TIMP2: variants seen among roughly 807,000 people sequenced by gnomAD.
The protein encoded by TIMP2 is TIMP metallopeptidase inhibitor 2, also known as metalloproteinase inhibitor 2.
A neutral mutation model predicts 24.3 loss-of-function variants in TIMP2; 5 were observed. The observed-to-expected ratio is 0.21, with a 90% CI of 0.11 to 0.43. TIMP2 has a LOEUF of 0.43. TIMP2 is among the 20% of genes least tolerant of loss of function. TIMP2 has a pLI of 1.00. For missense variants in TIMP2, 221 were observed against 297.5 expected (o/e 0.74, Z 1.89); for synonymous variants, 130 against 123.2 (o/e 1.06, Z -0.37).
intron 1 of TIMP2, chr17:78,897,957 G>A (rs778246014): frequency 3.3e-5 from 5 of 152,182 alleles, no homozygotes; most frequent in Non-Finnish European, 5.9e-5. Flanking sequence ...AATCACAGCT[G>A]GCTCCATCAT....
At chr17:78,911,384 AAACT>A (rs1325329228) in intron 1 of TIMP2, among the ~76,000 whole-genome samples, 2 of 152,226 alleles carry the variant, frequency 1.3e-5, no homozygotes, top group East Asian at 1.9e-4. Flanking sequence ...GGTCTAGGAC[AAACT>A]AACTAACTAT....
chr17:78,892,760 G>C (rs375183654), intron 1 of TIMP2, among the ~76,000 whole-genome samples: 2 of 152,060 alleles, frequency 1.3e-5, no homozygotes, highest in South Asian at 2.1e-4. Context: ...GAGGTGCTCC[G>C]GGCCTGCAGC....
intron 1 of TIMP2, among the ~76,000 whole-genome samples, chr17:78,880,970 G>T (rs374518356): frequency 6.6e-6 from 1 of 152,206 alleles, no homozygotes; most frequent in Non-Finnish European, 1.5e-5. Flanking sequence ...ACAGCATAGC[G>T]CCTGTCTCGG....
chr17:78,922,818 A>C (rs566089488), intron 1 of TIMP2, among the ~76,000 whole-genome samples: 39 of 152,258 alleles, frequency 2.6e-4, no homozygotes, highest in South Asian at 1.7e-3. Flanking sequence ...AAGAACAGGG[A>C]AATTTGGACA....
At chr17:78,898,343 G>GC (rs2070035987) in intron 1 of TIMP2, 1 of 152,248 alleles carries the variant, frequency 6.6e-6, no homozygotes, top group South Asian at 2.1e-4. Context: ...GAGCAGGCAG[G>GC]CCCCTGATCC....
In TIMP2 at chr17:78,924,826, A is replaced by AGAAGGCGCC; in HGVS notation, c.130+124_130+132dup. On this transcript the variant is annotated intron_variant, in intron 1 of 4. Coordinates refer to ENST00000262768, the MANE Select transcript of TIMP2 (RefSeq NM_003255.5). The surrounding 1 kb of genome is among the most constrained non-coding windows in gnomAD (Gnocchi z 5.3). ...TCTGGGCGTCCACTTGCAGGATTCG[A>AGAAGGCGCC]GAAGGCGCCGAGGGACCAGGAGGCG... 2.3e-6 allele frequency: 1 copy of AGAAGGCGCC among 431,312 alleles called. No homozygotes were observed. The highest frequency in any genetic ancestry group is 3.5e-6 in the Non-Finnish European group (1 of 285,464). The allele number at this position is 431,312 out of a possible 1,614,324, so 26.7% of individuals were successfully genotyped here. A position where few individuals can be genotyped will look rare whatever the true frequency, so the allele number is the denominator to read the frequency against.
chr17:78,872,434 C>T (rs2069693801), intron 2 of TIMP2, among the ~76,000 whole-genome samples: 3 of 152,154 alleles, frequency 2.0e-5, no homozygotes, highest in Admixed American at 2.0e-4. Context: ...TTCAGGAACG[C>T]ACCTGCTGCC....
At chr17:78,921,355 G>A (rs2070307415) in intron 1 of TIMP2, among the ~76,000 whole-genome samples, 1 of 152,254 alleles carries the variant, frequency 6.6e-6, no homozygotes, top group African/African-American at 2.4e-5. Context: ...GTGGGAACAT[G>A]TGAGGAAGAT....
intron 4 of TIMP2, chr17:78,856,805 T>G (rs2069527680): frequency 6.6e-6 from 1 of 152,294 alleles, no homozygotes. Flanking sequence ...TCGGGAATGT[T>G]GGAAACAGCG....
At chr17:78,882,125 C>A (rs993009497) in intron 1 of TIMP2, among the ~76,000 whole-genome samples, 1 of 152,294 alleles carries the variant, frequency 6.6e-6, no homozygotes, top group East Asian at 1.9e-4. Flanking sequence ...CCACCATGCC[C>A]GGCTGATTTT....
intron 1 of TIMP2, chr17:78,922,199 A>C (rs1302488590): frequency 6.6e-6 from 1 of 152,250 alleles, no homozygotes; most frequent in Non-Finnish European, 1.5e-5. Context: ...ATTGCTGAGA[A>C]AGTCACAAAC....
At chr17:78,876,710 A>G (rs970949168) in intron 1 of TIMP2, among the ~76,000 whole-genome samples, 1 of 149,782 alleles carries the variant, frequency 6.7e-6, no homozygotes, top group Admixed American at 6.7e-5. Context: ...TATTTTTAGT[A>G]GAGACAGGGT....
intron 1 of TIMP2, among the ~76,000 whole-genome samples, chr17:78,879,140 G>A (rs2069756082): frequency 6.6e-6 from 1 of 152,238 alleles, no homozygotes; most frequent in Non-Finnish European, 1.5e-5. Flanking sequence ...GGTGAATCCT[G>A]CATACAGCAG....
At chr17:78,895,803 T>G (rs1359248056) in intron 1 of TIMP2, among the ~76,000 whole-genome samples, 1 of 152,074 alleles carries the variant, frequency 6.6e-6, no homozygotes, top group Admixed American at 6.6e-5. Flanking sequence ...TGAATGCCCC[T>G]CTGTGTGTCT....
In TIMP2 at chr17:78,882,132, TTTTTA is replaced by T. The variant is rs1214343267; in HGVS notation, c.131-8218_131-8214del. Among the ~76,000 whole-genome samples, 16 of 152,222 alleles carry T rather than the reference TTTTTA, an allele frequency of 1.1e-4. No homozygotes were observed. In the East Asian group the frequency reaches 2.3e-3, roughly 22 times the overall value. ...GGTGCCCGCCACCATGCCCGGCTGATTTTTATTTTGTGTATTTTTAGTAGAGATGG... is the reference window on the plus strand; with the variant it reads ...GGTGCCCGCCACCATGCCCGGCTGATTTTTGTGTATTTTTAGTAGAGATGG... On this transcript the variant is annotated intron_variant, in intron 1 of 4. Transcript: ENST00000262768.
At chr17:78,910,041 T>C (rs533994254) in intron 1 of TIMP2, among the ~76,000 whole-genome samples, 46 of 152,304 alleles carry the variant, frequency 3.0e-4, no homozygotes, top group African/African-American at 1.1e-3. Flanking sequence ...TTATGGCATA[T>C]ATAGTGATGT....
rs2070334493 is a variant in TIMP2 at position 78,924,598 on chromosome 17, C to T, written c.130+361G>A. On this transcript the variant is annotated intron_variant, in intron 1 of 4. Transcript: ENST00000262768. This position sits in a 1 kb window ranked among gnomAD's most constrained non-coding sequence, Gnocchi z 5.3. ...CTTCCTGGGGTCCCCAGTCCTCCAGCCCCCCGCCCCCACGCCGTGTCCCCC... is the reference window on the plus strand; with the variant it reads ...CTTCCTGGGGTCCCCAGTCCTCCAGTCCCCCGCCCCCACGCCGTGTCCCCC... Among the ~76,000 whole-genome samples, 1 of 151,482 alleles carries T rather than the reference C, an allele frequency of 6.6e-6. No individual in the cohort carries two copies. The highest frequency in any genetic ancestry group is 1.5e-5 in the Non-Finnish European group (1 of 67,820).
At chr17:78,860,775 C>T (rs2069561311) in intron 3 of TIMP2, among the ~76,000 whole-genome samples, 1 of 152,144 alleles carries the variant, frequency 6.6e-6, no homozygotes, top group African/African-American at 2.4e-5. Context: ...GTGGCTCACA[C>T]CTGTAATCCC....
At chr17:78,901,936 T>C in intron 1 of TIMP2, 1 of 608,784 alleles carries the variant, frequency 1.6e-6, no homozygotes, top group South Asian at 1.9e-5. Context: ...ACTGGAGGCA[T>C]CCGAACCAAG....
Sources: allele counts gnomAD v4.1 joint callset (sites outside exome capture counted in the v4.1 genomes callset), GRCh38; gene constraint gnomAD v4.1.1; non-coding constraint Gnocchi (gnomAD v3.1); transcripts MANE v1.5; gene names NCBI Gene and HGNC (gene_info 2026-07-23, HGNC 2026-07-21).